The following PCDHA1 variants were observed in gnomAD, a reference collection of about 807,000 sequenced individuals.
The protein encoded by PCDHA1 is protocadherin alpha 1, also known as protocadherin alpha-1.
A neutral mutation model predicts 61.3 loss-of-function variants in PCDHA1; 42 were observed. The observed-to-expected ratio is 0.69, with a 90% CI of 0.54 to 0.89. The LOEUF is 0.89. Ranked by LOEUF, PCDHA1 falls within the 40% of genes least tolerant of loss-of-function variation. PCDHA1 has a pLI of 0.00. For missense variants in PCDHA1, 1,256 were observed against 1,235.3 expected (o/e 1.02, Z -0.25); for synonymous variants, 610 against 553.8 (o/e 1.10, Z -1.43).
chr5:140,950,070 A>G (rs2094446713), intron 1 of PCDHA1, among the ~76,000 whole-genome samples: 1 of 151,890 alleles, frequency 6.6e-6, no homozygotes, highest in Non-Finnish European at 1.5e-5. Flanking sequence ...TTCCTGTGCC[A>G]TTGCTTATGC....
chr5:140,966,589 GGCCAGGA>G (rs1554228448), intron 1 of PCDHA1: 2 of 580,716 alleles, frequency 3.4e-6, no homozygotes, highest in Non-Finnish European at 5.5e-6. Flanking sequence ...AGGACGGTGG[GGCCAGGA>G]GCCCTTGGGA....
At chr5:140,968,776 A>C in intron 1 of PCDHA1, 1 of 1,614,200 alleles carries the variant, frequency 6.2e-7, no homozygotes, top group Non-Finnish European at 8.5e-7. Flanking sequence ...AGCCATCACT[A>C]TCAGCCTCTG....
chr5:140,805,306 T>TC, intron 1 of PCDHA1: 1 of 1,274,934 alleles, frequency 7.8e-7, no homozygotes, highest in Non-Finnish European at 9.9e-7. Flanking sequence ...GAATTCTTCC[T>TC]CCTTTTTTCC....
chr5:140,982,596 G>A, intron 3 of PCDHA1, 33 bp downstream of exon 3: 2 of 1,609,850 alleles, frequency 1.2e-6, no homozygotes, highest in South Asian at 2.2e-5. Flanking sequence ...TTCTTTCTTG[G>A]TTTCTGGAAA....
At chr5:140,869,772 T>A (rs1554163433) in intron 1 of PCDHA1, 1 of 1,613,190 alleles carries the variant, frequency 6.2e-7, no homozygotes, top group Non-Finnish European at 8.5e-7. Context: ...CAGAGCTTAC[T>A]GGCACCGTTC....
chr5:140,966,258 A>G, intron 1 of PCDHA1: 1 of 337,520 alleles, frequency 3.0e-6, no homozygotes, highest in Non-Finnish European at 5.3e-6. Context: ...GAGACGGTGG[A>G]GACTGGATGA....
intron 1 of PCDHA1, chr5:140,843,167 A>G: frequency 6.3e-7 from 1 of 1,596,098 alleles, no homozygotes; most frequent in Non-Finnish European, 8.6e-7. Context: ...GCCAGCTGCA[A>G]GCAGCCCTCG....
At chr5:141,005,826 A>T (rs1283643370) in intron 3 of PCDHA1, among the ~76,000 whole-genome samples, 4 of 151,340 alleles carry the variant, frequency 2.6e-5, no homozygotes, top group Admixed American at 6.6e-5. Flanking sequence ...GGTGGCCTGT[A>T]GTCCCAGCCA....
rs1022293477 is a variant in PCDHA1, at chr5:140,841,242, T to C, written c.2394+52558T>C. 4.7e-6 allele frequency: 7 copies of C among 1,492,124 alleles called. No individual in the cohort carries two copies. The Admixed American group carries it at 6.7e-5, about 14-fold the overall frequency. The allele number at this position is 1,492,124 out of a possible 1,614,324, so 92.4% of individuals were successfully genotyped here. On this transcript the variant is annotated intron_variant, in intron 1 of 3. Transcript: ENST00000504120. ...CCGAACAACGGGAGATGCAGCGGAATTGGATTAAAAGACTCTGAAAGTACA... is the reference window on the plus strand; with the variant it reads ...CCGAACAACGGGAGATGCAGCGGAACTGGATTAAAAGACTCTGAAAGTACA...
chr5:140,827,149 A>T (rs1024962565), intron 1 of PCDHA1, among the ~76,000 whole-genome samples: 5 of 152,210 alleles, frequency 3.3e-5, no homozygotes, highest in Admixed American at 6.5e-5. Flanking sequence ...AGGGATGCAG[A>T]TATGGATTTG....
At chr5:140,830,050 C>T in intron 1 of PCDHA1, 1 of 1,613,786 alleles carries the variant, frequency 6.2e-7, no homozygotes, top group Non-Finnish European at 8.5e-7. Flanking sequence ...TGGTGAAAGA[C>T]CACGGTGAGC....
chr5:140,897,727 T>G (rs1468942464), intron 1 of PCDHA1, among the ~76,000 whole-genome samples: 1 of 152,148 alleles, frequency 6.6e-6, no homozygotes, highest in Non-Finnish European at 1.5e-5. Context: ...CTGGGTCAAA[T>G]AGTATTTCTA....
chr5:140,842,261 A>G (rs2150332955), intron 1 of PCDHA1: 25 of 1,610,966 alleles, frequency 1.6e-5, no homozygotes, highest in Non-Finnish European at 2.1e-5. Flanking sequence ...TGAACAAGAA[A>G]ACTTATACAA....
At chr5:140,942,545 G>C (rs981508818) in intron 1 of PCDHA1, among the ~76,000 whole-genome samples, 4 of 151,970 alleles carry the variant, frequency 2.6e-5, no homozygotes, top group African/African-American at 9.7e-5. Context: ...ATGGTGGGGG[G>C]TAGGGGGTTG....
At chr5:140,804,935 T>A (rs1043249168) in intron 1 of PCDHA1, 2 of 1,158,578 alleles carry the variant, frequency 1.7e-6, no homozygotes, top group Non-Finnish European at 2.3e-6. Flanking sequence ...CACTATCCTT[T>A]GTTGCTCCCT....
At chr5:140,876,928 A>C in intron 1 of PCDHA1, 1 of 1,613,812 alleles carries the variant, frequency 6.2e-7, no homozygotes, top group Non-Finnish European at 8.5e-7. Flanking sequence ...GGACGCGCAG[A>C]AGAACGCGCT....
intron 1 of PCDHA1, chr5:140,797,413 A>G (rs781933067): frequency 6.6e-7 from 1 of 1,509,416 alleles, no homozygotes; most frequent in South Asian, 1.2e-5. Flanking sequence ...ATTCTATATG[A>G]TTTCTACTAG....
chr5:140,807,250 C>T (rs781836532), intron 1 of PCDHA1: 3 of 1,614,114 alleles, frequency 1.9e-6, no homozygotes, highest in South Asian at 1.1e-5. Flanking sequence ...TTCTTCTCCT[C>T]GCAGCCTGGG....
intron 1 of PCDHA1, chr5:140,809,655 A>G (rs1554125339): frequency 3.4e-6 from 5 of 1,490,700 alleles, no homozygotes; most frequent in Non-Finnish European, 4.5e-6. Context: ...TAAGAGTCAA[A>G]TTTCCCTGGG....
Sources: gnomAD v4.1 joint callset for allele counts (sites outside exome capture counted in the v4.1 genomes callset) on GRCh38, gnomAD v4.1.1 for gene constraint, MANE v1.5 for transcripts, NCBI Gene and HGNC (gene_info 2026-07-23, HGNC 2026-07-21) for gene names.